Variants in SGCZ observed in about 807,000 individuals in gnomAD.
SGCZ encodes zeta-sarcoglycan.
Under a neutral mutation model 41.3 loss-of-function variants are expected in SGCZ, and 40 were observed. The observed-to-expected ratio is 0.97, with a 90% CI of 0.75 to 1.26. SGCZ has a LOEUF of 1.26. Ranked by LOEUF, SGCZ falls within the 50% of genes most tolerant of loss-of-function variation. The pLI, the probability that SGCZ is intolerant of heterozygous loss-of-function variation, is 0.00. For synonymous variants in SGCZ, 206 were observed against 137.5 expected, an observed-to-expected ratio of 1.50 and a Z score of -3.49; for missense variants, 552 against 369.8, an observed-to-expected ratio of 1.49 and a Z score of -4.04.
At chr8:14,438,371 G>C (rs917445453) in intron 2 of SGCZ, among the ~76,000 whole-genome samples, 1 of 151,816 alleles carries the variant, frequency 6.6e-6, no homozygotes, top group African/African-American at 2.4e-5. Context: ...TAGACATGTT[G>C]GTCTTAGACG....
intron 1 of SGCZ, among the ~76,000 whole-genome samples, chr8:14,976,343 G>C (rs1169515489): frequency 6.6e-6 from 1 of 151,890 alleles, no homozygotes; most frequent in African/African-American, 2.4e-5. Context: ...ATTTTGACTA[G>C]GAAGTTCAGG....
Position 14,237,506 on chromosome 8 carries a change from A to AACAACAACG in SGCZ, c.424+85_424+86insCGTTGTTGT, listed in dbSNP as rs368160849. On this transcript the variant is annotated intron_variant, in intron 4 of 7. Coordinates refer to ENST00000382080, the MANE Select transcript of SGCZ (RefSeq NM_139167.4). ...TCAAAACAACAACAACAACAACAAC[A>AACAACAACG]ACGACAACAACAAGAACCAAAAACC... is the stretch of plus-strand genomic sequence containing the variant. 289 of 1,102,050 alleles carry AACAACAACG rather than the reference A, an allele frequency of 2.6e-4. No homozygotes were observed. In the East Asian group the frequency reaches 6.5e-3, roughly 25 times the overall value. The allele number at this position is 1,102,050 out of a possible 1,614,324, so 68.3% of individuals were successfully genotyped here.
At chr8:14,630,820 A>G (rs1410197910) in intron 1 of SGCZ, among the ~76,000 whole-genome samples, 9 of 138,418 alleles carry the variant, frequency 6.5e-5, no homozygotes, top group Non-Finnish European at 7.6e-5. Flanking sequence ...GAATTGAACA[A>G]TGAGAACACT....
intron 5 of SGCZ, among the ~76,000 whole-genome samples, chr8:14,132,389 T>G (rs1803068782): frequency 6.6e-6 from 1 of 152,164 alleles, no homozygotes; most frequent in South Asian, 2.1e-4. Context: ...ACAGAAGCAT[T>G]TACAGTGACA....
At chr8:14,374,968 G>C (rs1273755987) in intron 2 of SGCZ, among the ~76,000 whole-genome samples, 1 of 152,184 alleles carries the variant, frequency 6.6e-6, no homozygotes, top group Non-Finnish European at 1.5e-5. Flanking sequence ...TAGAGATTAT[G>C]TAAGGTTTCA....
intron 4 of SGCZ, among the ~76,000 whole-genome samples, chr8:14,236,837 G>A (rs1030797059): frequency 6.6e-6 from 1 of 151,496 alleles, no homozygotes; most frequent in South Asian, 2.1e-4. Context: ...TAAAAATTGA[G>A]TCAAGGAATC....
chr8:14,619,650 G>A (rs763007520), intron 1 of SGCZ, among the ~76,000 whole-genome samples: 1 of 151,992 alleles, frequency 6.6e-6, no homozygotes, highest in African/African-American at 2.4e-5. Context: ...ACCAAGAGCA[G>A]ACAAACAGAG....
intron 3 of SGCZ, among the ~76,000 whole-genome samples, chr8:14,276,375 A>T (rs1800233136): frequency 6.6e-6 from 1 of 152,168 alleles, no homozygotes; most frequent in African/African-American, 2.4e-5. Flanking sequence ...TGACTGAAAC[A>T]GAGCAGACAT....
intron 4 of SGCZ, among the ~76,000 whole-genome samples, chr8:14,188,256 G>C (rs1420017722): frequency 6.6e-6 from 1 of 152,164 alleles, no homozygotes; most frequent in Non-Finnish European, 1.5e-5. Context: ...ACCTAGTAAA[G>C]AGAGTTATAC....
chr8:14,309,368 T>A, intron 3 of SGCZ: 2 of 1,604,720 alleles, frequency 1.2e-6, no homozygotes, highest in Admixed American at 3.3e-5. Context: ...GCTAATTACA[T>A]TGAACAGTCA....
intron 1 of SGCZ, among the ~76,000 whole-genome samples, chr8:14,942,747 G>A (rs764303997): frequency 1.3e-4 from 20 of 152,188 alleles, no homozygotes; most frequent in Admixed American, 2.6e-4. Context: ...ATAGCCCAGT[G>A]TTGCCATGTT....
intron 1 of SGCZ, among the ~76,000 whole-genome samples, chr8:14,673,695 A>C (rs1446930320): frequency 6.6e-6 from 1 of 152,190 alleles, no homozygotes; most frequent in Non-Finnish European, 1.5e-5. Context: ...TAAATGCTTA[A>C]TATGACTTGA....
intron 2 of SGCZ, among the ~76,000 whole-genome samples, chr8:14,363,554 G>A (rs1480420916): frequency 6.6e-6 from 1 of 151,788 alleles, no homozygotes; most frequent in Non-Finnish European, 1.5e-5. Flanking sequence ...TTTCCCCCAA[G>A]CAGCAGTTTA....
chr8:15,044,789 T>C (rs146278497), intron 1 of SGCZ, among the ~76,000 whole-genome samples: 2 of 152,184 alleles, frequency 1.3e-5, no homozygotes, highest in East Asian at 3.9e-4. Context: ...TAGGAAGACC[T>C]ACCTCCTACC....
chr8:14,583,058 G>C (rs940169459), intron 1 of SGCZ, among the ~76,000 whole-genome samples: 4 of 150,074 alleles, frequency 2.7e-5, no homozygotes, highest in African/African-American at 9.7e-5. Flanking sequence ...GGTATTTCTA[G>C]TTCTAGATCC....
intron 1 of SGCZ, among the ~76,000 whole-genome samples, chr8:15,017,803 G>A (rs1193129829): frequency 6.6e-6 from 1 of 152,104 alleles, no homozygotes; most frequent in Non-Finnish European, 1.5e-5. Flanking sequence ...GTGGTGCCTG[G>A]CCATCATCAC....
chr8:14,276,091 G>A (rs1399423459), intron 3 of SGCZ, among the ~76,000 whole-genome samples: 1 of 152,148 alleles, frequency 6.6e-6, no homozygotes, highest in Non-Finnish European at 1.5e-5. Flanking sequence ...GGGGAGAGCA[G>A]GGGACACATA....
At chr8:14,643,826 C>CA (rs1164790143) in intron 1 of SGCZ, among the ~76,000 whole-genome samples, 1 of 151,680 alleles carries the variant, frequency 6.6e-6, no homozygotes, top group Non-Finnish European at 1.5e-5. Context: ...TCATGAGTCA[C>CA]AGAAACCCTC....
intron 2 of SGCZ, among the ~76,000 whole-genome samples, chr8:14,440,690 C>T (rs1352292086): frequency 3.8e-5 from 2 of 53,330 alleles, no homozygotes; most frequent in South Asian, 1.2e-3. Context: ...TACGTATACA[C>T]GTATATGTAT....
Sources: gnomAD v4.1 joint callset for allele counts (sites outside exome capture counted in the v4.1 genomes callset) on GRCh38, gnomAD v4.1.1 for gene constraint, MANE v1.5 for transcripts, NCBI Gene and HGNC (gene_info 2026-07-23, HGNC 2026-07-21) for gene names.